The following SLC4A9 variants were observed in gnomAD, a reference collection of about 807,000 sequenced individuals.
The protein encoded by SLC4A9 is anion exchange protein 4.
In SLC4A9, 102 loss-of-function variants were observed where a neutral mutation model predicts 103.2. That is an observed-to-expected ratio of 0.99 (90% CI 0.84 to 1.17). The LOEUF (loss-of-function observed/expected upper bound fraction) is 1.17, where lower values mean the gene tolerates loss of function less well. Among genes scored for constraint, SLC4A9 ranks in the 50% most tolerant of loss-of-function variants. The probability of loss-of-function intolerance (pLI) is 0.00; values close to 1 mark genes in which losing one functional copy is unlikely to be tolerated. For missense variants in SLC4A9, 1,091 were observed against 1,193.7 expected, an observed-to-expected ratio of 0.91 and a Z score of 1.27; for synonymous variants, 453 against 483.6, an observed-to-expected ratio of 0.94 and a Z score of 0.83.
rs1324348920 is a variant in SLC4A9 at position 140,372,823 on chromosome 5, G to T, written c.*25G>T. 1 of 1,542,948 alleles carries T rather than the reference G, an allele frequency of 6.5e-7. No individual in the cohort carries two copies. ...GCTGGAGTAGGAGTCTGGGAGTGGA[G>T]ACCCCAGGAAACAGCATGAGGTGAG... is the stretch of plus-strand genomic sequence containing the variant. On this transcript the variant is annotated 3_prime_UTR_variant, in exon 21 of 22. Coordinates refer to ENST00000506757, the MANE Select transcript of SLC4A9 (RefSeq NM_031467.3).
rs781695387 is a variant in SLC4A9, at chr5:140,363,107, T to C, written c.962+41T>C. The C allele has an allele frequency of 6.3e-7, 1 of 1,598,642 alleles. No individual in the cohort carries two copies. The highest frequency in any genetic ancestry group is 1.8e-5 in the Admixed American group (1 of 54,450). On this transcript the variant is annotated intron_variant, in intron 7 of 21. Transcript: ENST00000506757. This position sits in a 1 kb window ranked among gnomAD's most constrained non-coding sequence, Gnocchi z 4.5. Reference sequence around the variant, plus strand: ...CATCCCATACAGATTCCTGCCCATATAGGCCCTGGGTCTAATTCCATTGTT... The same window carrying C: ...CATCCCATACAGATTCCTGCCCATACAGGCCCTGGGTCTAATTCCATTGTT...
In SLC4A9 at chr5:140,374,827, A is replaced by G. The variant is rs1325056108; in HGVS notation, c.*46A>G. On this transcript the variant is annotated splice_region_variant and 3_prime_UTR_variant, in exon 22 of 22. Transcript: ENST00000506757. Reference sequence around the variant, plus strand: ...TTTTGGCCTTTGGCTTAACTTCCAGATGCTCAGTCGGCTTGGGGAAGGACT... The same window carrying G: ...TTTTGGCCTTTGGCTTAACTTCCAGGTGCTCAGTCGGCTTGGGGAAGGACT... 6.6e-6 allele frequency: 1 copy of G among 152,146 alleles called. No homozygotes were observed. The highest frequency in any genetic ancestry group is 1.5e-5 in the Non-Finnish European group (1 of 68,040). 9.4% of individuals were successfully genotyped at this position (152,146 alleles called of 1,614,324 possible). A position where few individuals can be genotyped will look rare whatever the true frequency, so the allele number is the denominator to read the frequency against.
chr5:140,367,976 G>C, intron 16 of SLC4A9, 78 bp downstream of exon 16: 3 of 1,496,576 alleles, frequency 2.0e-6, no homozygotes, highest in Non-Finnish European at 2.8e-6. Context: ...GAGTTACTTG[G>C]GCAGCTTAAA....
intron 16 of SLC4A9, 38 bp from the exon 17 acceptor site, chr5:140,368,549 T>G: frequency 6.3e-7 from 1 of 1,586,330 alleles, no homozygotes; most frequent in Non-Finnish European, 8.6e-7. Context: ...CCCCAGGGAC[T>G]CTCCCAGACC....
chr5:140,367,955 G>C (rs993894166), intron 16 of SLC4A9, 57 bp downstream of exon 16: 20 of 1,579,446 alleles, frequency 1.3e-5, no homozygotes, highest in Non-Finnish European at 1.7e-5. Flanking sequence ...AAGGCAAAGG[G>C]GAACATGGCA....
intron 14 of SLC4A9, among the ~76,000 whole-genome samples, chr5:140,367,166 C>T (rs1372995599): frequency 6.6e-6 from 1 of 152,224 alleles, no homozygotes; most frequent in East Asian, 1.9e-4. Context: ...CCACCTCCTT[C>T]TGTTCCAGGG....
chr5:140,370,472 A>C lies in SLC4A9; in HGVS notation c.2428-623A>C, dbSNP rs139679515. Among the ~76,000 whole-genome samples the C allele has an allele frequency of 5.7e-3, 868 of 152,152 alleles. 5 individuals are homozygous for C. The highest frequency in any genetic ancestry group is 0.019 in the African/African-American group (808 of 41,510). Reference sequence around the variant, plus strand: ...AGAACGAAACTCCACCTCAAAAAAAAAAAAACAAAAACAAAAAAACAAATT... The same window carrying C: ...AGAACGAAACTCCACCTCAAAAAAACAAAAACAAAAACAAAAAAACAAATT... On this transcript the variant is annotated intron_variant, in intron 17 of 21. Coordinates refer to ENST00000506757, the MANE Select transcript of SLC4A9 (RefSeq NM_031467.3).
At chr5:140,366,793 T>G (rs1767957884) in intron 14 of SLC4A9, among the ~76,000 whole-genome samples, 1 of 151,990 alleles carries the variant, frequency 6.6e-6, no homozygotes, top group African/African-American at 2.4e-5. Flanking sequence ...TACTCCTCAC[T>G]CTCTTCTTCC....
In SLC4A9 at chr5:140,367,931, G is replaced by A. The variant is rs572799684; in HGVS notation, c.2354+33G>A. On this transcript the variant is annotated intron_variant, in intron 16 of 21. Transcript: ENST00000506757. ...CGGTATTTAGGAAGTGGAGTAAGAG[G>A]TGGGCAGCAAGGTAAGGCAAAGGGG... 3.7e-6 allele frequency: 6 copies of A among 1,610,792 alleles called. No homozygotes were observed. The East Asian group carries it at 1.1e-4, about 30-fold the overall frequency.
chr5:140,362,773 T>C (rs1767293660), intron 6 of SLC4A9, 139 bp from the exon 7 acceptor site: 1 of 1,155,804 alleles, frequency 8.7e-7, no homozygotes, highest in African/African-American at 1.5e-5. Context: ...ACTGAATGAA[T>C]GAATTAATGC....
At chr5:140,368,348 G>A (rs1768203002) in intron 16 of SLC4A9, among the ~76,000 whole-genome samples, 1 of 152,212 alleles carries the variant, frequency 6.6e-6, no homozygotes, top group South Asian at 2.1e-4. Flanking sequence ...AAAATAAGGA[G>A]CAACTATGAA....
intron 1 of SLC4A9, 129 bp from the exon 2 acceptor site, chr5:140,360,683 G>A: frequency 6.9e-7 from 1 of 1,442,686 alleles, no homozygotes; most frequent in Non-Finnish European, 9.4e-7. Flanking sequence ...TGCCAGGGTG[G>A]GGGGGAGACT....
In SLC4A9 at chr5:140,362,905, T is replaced by A. The variant is rs770649565; in HGVS notation, c.808-7T>A. 1 of 1,613,950 alleles carries A rather than the reference T, an allele frequency of 6.2e-7. No individual in the cohort carries two copies. The highest frequency in any genetic ancestry group is 8.5e-7 in the Non-Finnish European group (1 of 1,179,860). ...ACTTACCACCCATTCTGTGCCCCCATTCCCAGCAATTCCAGTGGTCAGTTC... is the reference window on the plus strand; with the variant it reads ...ACTTACCACCCATTCTGTGCCCCCAATCCCAGCAATTCCAGTGGTCAGTTC... On this transcript the variant is annotated splice_polypyrimidine_tract_variant and splice_region_variant and intron_variant, in intron 6 of 21. Coordinates refer to ENST00000506757, the MANE Select transcript of SLC4A9 (RefSeq NM_031467.3).
At chr5:140,373,175 C>A (rs1345891752) in intron 21 of SLC4A9, among the ~76,000 whole-genome samples, 1 of 152,072 alleles carries the variant, frequency 6.6e-6, no homozygotes, top group Non-Finnish European at 1.5e-5. Flanking sequence ...GAGGAGAAAG[C>A]CTGGTGCTCC....
intron 14 of SLC4A9, among the ~76,000 whole-genome samples, chr5:140,366,649 A>T (rs758295182): frequency 6.6e-6 from 1 of 152,210 alleles, no homozygotes; most frequent in Non-Finnish European, 1.5e-5. Context: ...TACCCCGTAG[A>T]TTGTTTTGAG....
At position 140,372,227 on chromosome 5, in the gene SLC4A9, T is replaced by C. The variant is rs1423034612; in HGVS notation, c.2671-15T>C. Reference sequence around the variant, plus strand: ...CTGTTGCTGACAGGCCTGGGCCATGTTTCTATTCCTGCAGTTGCTGGGCCT... The same window carrying C: ...CTGTTGCTGACAGGCCTGGGCCATGCTTCTATTCCTGCAGTTGCTGGGCCT... On this transcript the variant is annotated splice_polypyrimidine_tract_variant and intron_variant, in intron 19 of 21. Transcript: ENST00000506757. The C allele has an allele frequency of 1.3e-6, 2 of 1,541,558 alleles. No homozygotes were observed. The highest frequency in any genetic ancestry group is 1.7e-6 in the Non-Finnish European group (2 of 1,150,562).
chr5:140,365,572 A>G lies in SLC4A9; in HGVS notation c.1704A>G (p.Val568=). ...RTRPKDRDDI[V]SMDLGLINAS... ...GGCCAAAAGACAGAGACGACATTGT[A>G]AGCATGGTGAGGGACTGCTCCTGGG... The change falls in exon 12 of 22, where the codon GTA becomes GTG. Residue 568 remains valine, a synonymous_variant. Transcript: ENST00000506757. The G allele has an allele frequency of 6.2e-7, 1 of 1,611,612 alleles. No individual in the cohort carries two copies. Among genetic ancestry groups the G allele is most frequent in the South Asian group, 1.1e-5 (1 of 90,484 alleles).
At chr5:140,374,512 T>C (rs1388234550) in intron 21 of SLC4A9, among the ~76,000 whole-genome samples, 1 of 138,876 alleles carries the variant, frequency 7.2e-6, no homozygotes, top group Non-Finnish European at 1.5e-5. Flanking sequence ...ATTGCACCAT[T>C]GCACTCCAGC....
At position 140,363,016 on chromosome 5, in the gene SLC4A9, C is replaced by T; in HGVS notation, c.912C>T (p.Asp304=). 1 of 1,612,918 alleles carries T rather than the reference C, an allele frequency of 6.2e-7. No individual in the cohort carries two copies. The highest frequency in any genetic ancestry group is 1.1e-5 in the South Asian group (1 of 90,964). Residue 304 remains aspartate, a synonymous_variant, in exon 7 of 22, where the codon GAC becomes GAT. Transcript: ENST00000506757. The surrounding 1 kb of genome is among the most constrained non-coding windows in gnomAD (Gnocchi z 4.5). The part of the protein sequence containing the change: ...EVTVLPPGRW[D]PTARIPPPKC... ...CAGTGCTTCCCCCAGGTCGGTGGGA[C>T]CCAACAGCCCGGATTCCCCCGCCCA...
Sources: allele counts gnomAD v4.1 joint callset (sites outside exome capture counted in the v4.1 genomes callset), GRCh38; gene constraint gnomAD v4.1.1; non-coding constraint Gnocchi (gnomAD v3.1); transcripts MANE v1.5; gene names NCBI Gene and HGNC (gene_info 2026-07-23, HGNC 2026-07-21).